The following AS3MT variants were observed in gnomAD, a reference collection of about 807,000 sequenced individuals.
The protein encoded by AS3MT is S-adenosyl-L-methionine:arsenic(III) methyltransferase.
AS3MT carries 47 observed loss-of-function variants against 45.3 expected under a neutral mutation model. That is an observed-to-expected ratio of 1.04 (90% confidence interval 0.82 to 1.32). AS3MT has a LOEUF of 1.32. Among genes scored for constraint, AS3MT ranks in the 40% most tolerant of loss-of-function variants. The pLI, the probability that AS3MT is intolerant of heterozygous loss-of-function variation, is 0.00. For synonymous variants in AS3MT, 141 were observed against 152.8 expected (o/e 0.92, Z 0.57); for missense variants, 396 against 451.1 (o/e 0.88, Z 1.11).
intron 9 of AS3MT, among the ~76,000 whole-genome samples, chr10:102,889,425 A>T (rs1041236839): frequency 6.6e-6 from 1 of 152,122 alleles, no homozygotes; most frequent in Non-Finnish European, 1.5e-5. Flanking sequence ...TTCTGTTTTA[A>T]AATCTGAATA....
At chr10:102,895,115 C>A (rs796994339) in intron 10 of AS3MT, among the ~76,000 whole-genome samples, 21 of 152,136 alleles carry the variant, frequency 1.4e-4, no homozygotes, top group African/African-American at 4.6e-4. Context: ...AGTTATGACA[C>A]CCTAATTTGA....
chr10:102,890,531 T>A lies in AS3MT; in HGVS notation c.886-13T>A. The A allele has an allele frequency of 6.4e-7, 1 of 1,570,058 alleles. No individual in the cohort carries two copies. Among genetic ancestry groups the A allele is most frequent in the Non-Finnish European group, 8.6e-7 (1 of 1,164,716 alleles). ...TTGCAACTCTTAGTATTTTTTTTTA[T>A]ACTACCCTTTAGGAAGGTGAAATTG... On this transcript the variant is annotated splice_polypyrimidine_tract_variant and intron_variant, in intron 9 of 10. Coordinates refer to ENST00000369880, the MANE Select transcript of AS3MT (RefSeq NM_020682.4).
At chr10:102,873,292 TA>T (rs1308467489) in intron 5 of AS3MT, 59 bp downstream of exon 5, 56 of 1,302,216 alleles carry the variant, frequency 4.3e-5, no homozygotes, top group East Asian at 2.4e-4. Flanking sequence ...TTATTATTAT[TA>T]TTATTGAGAT....
At chr10:102,889,647 T>TTCCTTCCTTC (rs1564794858) in intron 9 of AS3MT, among the ~76,000 whole-genome samples, 76 of 91,958 alleles carry the variant, frequency 8.3e-4, no homozygotes, top group South Asian at 1.5e-3. Context: ...TTCCTTCCTT[T>TTCCTTCCTTC]CTTCCTTCCT....
At chr10:102,870,306 C>A in intron 3 of AS3MT, 95 bp downstream of exon 3, 1 of 1,449,968 alleles carries the variant, frequency 6.9e-7, no homozygotes, top group Non-Finnish European at 9.6e-7. Flanking sequence ...CCGTAGCCAC[C>A]AACCCATCAG....
chr10:102,871,873 CATT>C (rs1157381272), intron 3 of AS3MT, among the ~76,000 whole-genome samples: 2 of 152,028 alleles, frequency 1.3e-5, no homozygotes, highest in African/African-American at 2.4e-5. Flanking sequence ...TTATTCAACA[CATT>C]ATTTTATTTT....
Position 102,901,092 on chromosome 10 carries a change from C to CAAAAAAAAAAAAAAAAAAAAGA in AS3MT, c.*411_*412insAGAAAAAAAAAAAAAAAAAAAA, listed in dbSNP as rs370301616. On this transcript the variant is annotated 3_prime_UTR_variant, in exon 11 of 11. Coordinates refer to ENST00000369880, the MANE Select transcript of AS3MT (RefSeq NM_020682.4). ...ACAGAGCAAGACTCTGTCTCAAAAG[C>CAAAAAAAAAAAAAAAAAAAAGA]AAAAAAAAAAAAAAAAAAAGAAAGA... 1 of 75,872 alleles carries CAAAAAAAAAAAAAAAAAAAAGA rather than the reference C, an allele frequency of 1.3e-5. No individual in the cohort carries two copies. The highest frequency in any genetic ancestry group is 2.4e-5 in the Non-Finnish European group (1 of 41,170). The allele number at this position is 75,872 out of a possible 1,614,324, so 4.7% of individuals were successfully genotyped here. A position where few individuals can be genotyped will look rare whatever the true frequency, so the allele number is the denominator to read the frequency against.
chr10:102,872,317 G>A, intron 3 of AS3MT, 131 bp from the exon 4 acceptor site: 1 of 949,686 alleles, frequency 1.1e-6, no homozygotes, highest in South Asian at 1.5e-5. Context: ...AGAAGTATGA[G>A]TGAATGATGC....
At chr10:102,884,039 C>T (rs1429014496) in intron 9 of AS3MT, among the ~76,000 whole-genome samples, 1 of 145,184 alleles carries the variant, frequency 6.9e-6, no homozygotes, top group Non-Finnish European at 1.5e-5. Context: ...AGTGCAGTGG[C>T]ACAATCTCGG....
At chr10:102,896,447 C>T (rs558572632) in intron 10 of AS3MT, among the ~76,000 whole-genome samples, 8 of 151,546 alleles carry the variant, frequency 5.3e-5, no homozygotes, top group Non-Finnish European at 1.0e-4. Context: ...GACCCCAAAA[C>T]CTGGAGCCAG....
At chr10:102,877,559 C>CAA (rs199723619) in intron 7 of AS3MT, among the ~76,000 whole-genome samples, 12 of 94,382 alleles carry the variant, frequency 1.3e-4, no homozygotes, top group Admixed American at 9.6e-4. Flanking sequence ...TGGAAAGTGC[C>CAA]AAAAAAAAAA....
chr10:102,888,386 T>C (rs1190081196), intron 9 of AS3MT, among the ~76,000 whole-genome samples: 3 of 152,192 alleles, frequency 2.0e-5, no homozygotes, highest in Non-Finnish European at 2.9e-5. Context: ...ATTAGTGTAA[T>C]TGGGATACCT....
At chr10:102,873,007 A>G in intron 4 of AS3MT, 90 bp from the exon 5 acceptor site, 2 of 1,047,126 alleles carry the variant, frequency 1.9e-6, no homozygotes, top group South Asian at 1.7e-5. Context: ...AATCTAGGGG[A>G]AGTATATTCT....
At position 102,876,967 on chromosome 10, in the gene AS3MT, T is replaced by TA; in HGVS notation, c.543dup (p.Tyr182IlefsTer4). 1.2e-6 allele frequency: 2 copies of TA among 1,614,176 alleles called. No individual in the cohort carries two copies. The highest frequency in any genetic ancestry group is 1.7e-6 in the Non-Finnish European group (2 of 1,179,992). ...CCTCTGTTTCAGCATGGTGGGGAGT[T>TA]ATATTTCAGTGACGTCTATACGAGC... On this transcript the variant is annotated frameshift_variant, in exon 7 of 11. Transcript: ENST00000369880. LOFTEE classifies it high-confidence loss of function.
intron 6 of AS3MT, 93 bp downstream of exon 6, chr10:102,874,754 C>A: frequency 1.1e-6 from 1 of 949,260 alleles, no homozygotes; most frequent in Non-Finnish European, 1.6e-6. Flanking sequence ...AGAGCTCAAA[C>A]TCTCTTAATT....
intron 3 of AS3MT, among the ~76,000 whole-genome samples, chr10:102,871,471 C>T (rs1030729534): frequency 2.3e-5 from 3 of 132,866 alleles, no homozygotes; most frequent in Non-Finnish European, 3.1e-5. Context: ...GGCGTGAACC[C>T]GGGAGGCGGA....
intron 5 of AS3MT, among the ~76,000 whole-genome samples, chr10:102,874,073 C>G (rs1206465422): frequency 6.6e-6 from 1 of 151,898 alleles, no homozygotes; most frequent in Non-Finnish European, 1.5e-5. Context: ...AACAACATGG[C>G]GAAACCCCGT....
At chr10:102,893,024 A>ATAAG (rs1390230607) in intron 10 of AS3MT, among the ~76,000 whole-genome samples, 1 of 143,650 alleles carries the variant, frequency 7.0e-6, no homozygotes, top group Non-Finnish European at 1.5e-5. Context: ...AAATAAATAA[A>ATAAG]TAAATAATTT....
Position 102,885,249 on chromosome 10 carries a change from G to A in AS3MT, c.886-5295G>A, listed in dbSNP as rs115315274. ...AACATGTAATATTCGTCTTTTTGAG[G>A]TTGGCTTATTTCTCTTAACATAATG... On this transcript the variant is annotated intron_variant, in intron 9 of 10. Coordinates refer to ENST00000369880, the MANE Select transcript of AS3MT (RefSeq NM_020682.4). Among the ~76,000 whole-genome samples the A allele has an allele frequency of 6.6e-3, 1,008 of 152,122 alleles. 16 individuals carry two copies. The highest frequency in any genetic ancestry group is 0.023 in the African/African-American group (956 of 41,490).
Sources: gnomAD v4.1 joint callset for allele counts (sites outside exome capture counted in the v4.1 genomes callset) on GRCh38, gnomAD v4.1.1 for gene constraint, MANE v1.5 for transcripts, NCBI Gene and HGNC (gene_info 2026-07-23, HGNC 2026-07-21) for gene names.